NID2: variants seen among roughly 807,000 people sequenced by gnomAD.
NID2 encodes nidogen-2.
A neutral mutation model predicts 145.4 loss-of-function variants in NID2; 83 were observed. The ratio of observed to expected loss-of-function variants is 0.57; its 90% CI spans 0.48 to 0.69. The LOEUF (loss-of-function observed/expected upper bound fraction) is 0.69, where lower values mean the gene tolerates loss of function less well. Among genes scored for constraint, NID2 ranks in the 30% least tolerant of loss-of-function variants. NID2 has a pLI of 0.00. For missense variants in NID2, 1,807 were observed against 1,765.7 expected, an observed-to-expected ratio of 1.02 and a Z score of -0.42; for synonymous variants, 739 against 701.3, an observed-to-expected ratio of 1.05 and a Z score of -0.85.
intron 9 of NID2, among the ~76,000 whole-genome samples, chr14:52,036,656 T>G (rs937991383): frequency 6.6e-6 from 1 of 152,212 alleles, no homozygotes; most frequent in Non-Finnish European, 1.5e-5. Flanking sequence ...TTCCATGTTC[T>G]CGCCAACACT....
intron 2 of NID2, among the ~76,000 whole-genome samples, chr14:52,064,413 T>C (rs1291921724): frequency 6.6e-6 from 1 of 152,210 alleles, no homozygotes; most frequent in Non-Finnish European, 1.5e-5. Flanking sequence ...GTACTTACGG[T>C]ATCACATGGC....
intron 2 of NID2, among the ~76,000 whole-genome samples, chr14:52,067,558 A>G (rs569964182): frequency 6.6e-6 from 1 of 152,374 alleles, no homozygotes; most frequent in East Asian, 1.9e-4. Flanking sequence ...GGTTCTAAAA[A>G]TAAGCAACCA....
At chr14:52,011,499 A>G in intron 17 of NID2, 55 bp downstream of exon 17, 1 of 1,610,660 alleles carries the variant, frequency 6.2e-7, no homozygotes, top group East Asian at 2.2e-5. Context: ...CGTAAAGTAG[A>G]CAAGTGACTT....
chr14:52,047,865 G>A (rs10400713), intron 5 of NID2, among the ~76,000 whole-genome samples: 6,845 of 152,200 alleles, frequency 0.045, 182 homozygotes, highest in Middle Eastern at 0.078. Flanking sequence ...TTCACACGGA[G>A]AGCTGCATTT....
intron 9 of NID2, among the ~76,000 whole-genome samples, chr14:52,035,958 C>G (rs1303256650): frequency 6.6e-6 from 1 of 151,268 alleles, no homozygotes; most frequent in African/African-American, 2.4e-5. Context: ...ATCCACCCAC[C>G]TCAGCCTCCC....
At chr14:52,040,251 AT>A (rs11423537) in intron 8 of NID2, among the ~76,000 whole-genome samples, 2,381 of 147,118 alleles carry the variant, frequency 0.016, 30 homozygotes, top group Admixed American at 0.036. Context: ...TCTTTCTGTG[AT>A]TTTTTTTTTT....
chr14:52,047,001 G>A (rs1021048265), intron 5 of NID2, among the ~76,000 whole-genome samples: 4 of 152,214 alleles, frequency 2.6e-5, no homozygotes, highest in Non-Finnish European at 5.9e-5. Flanking sequence ...TACAATGGCA[G>A]CTTGTTAGGT....
chr14:52,048,740 A>G (rs982459146), intron 5 of NID2, among the ~76,000 whole-genome samples: 23 of 152,156 alleles, frequency 1.5e-4, no homozygotes, highest in African/African-American at 5.6e-4. Flanking sequence ...AGAGGGTGAG[A>G]GAGGGCAGGC....
intron 4 of NID2, 30 bp from the exon 5 acceptor site, chr14:52,053,968 G>T: frequency 6.2e-7 from 1 of 1,611,556 alleles, no homozygotes; most frequent in Non-Finnish European, 8.5e-7. Flanking sequence ...CCAATAAGTA[G>T]GTGTTGGATG....
At chr14:52,067,270 A>G (rs1481384155) in intron 2 of NID2, among the ~76,000 whole-genome samples, 2 of 152,258 alleles carry the variant, frequency 1.3e-5, no homozygotes, top group African/African-American at 4.8e-5. Context: ...ATCATTATAA[A>G]TGATGTAGAA....
Position 52,069,034 on chromosome 14 carries a change from C to T in NID2, c.-40G>A. The T allele has an allele frequency of 6.7e-7, 1 of 1,497,638 alleles. No individual in the cohort carries two copies. Among genetic ancestry groups the T allele is most frequent in the Non-Finnish European group, 9.1e-7 (1 of 1,094,788 alleles). 92.8% of individuals were successfully genotyped at this position (1,497,638 alleles called of 1,614,324 possible). On this transcript the variant is annotated 5_prime_UTR_variant, in exon 1 of 22. Transcript: ENST00000216286. ...GCGCTTACCCGCTGCACAACGCGTCCCGCCCCGGCCTCCAGCCCACTCTCC... is the reference window on the plus strand; with the variant it reads ...GCGCTTACCCGCTGCACAACGCGTCTCGCCCCGGCCTCCAGCCCACTCTCC...
chr14:52,015,342 G>A (rs1425788739), intron 14 of NID2, 67 bp from the exon 15 acceptor site: 3 of 1,462,438 alleles, frequency 2.1e-6, no homozygotes, highest in Admixed American at 1.9e-5. Flanking sequence ...AATGCAAAAT[G>A]TAGCTCAAGA....
intron 14 of NID2, 88 bp from the exon 15 acceptor site, chr14:52,015,363 G>C: frequency 8.0e-7 from 1 of 1,243,726 alleles, no homozygotes; most frequent in South Asian, 1.5e-5. Flanking sequence ...CCCCATGCCT[G>C]GCCTCCTGGC....
At chr14:52,044,470 C>T (rs11851063) in intron 5 of NID2, among the ~76,000 whole-genome samples, 42,449 of 151,728 alleles carry the variant, frequency 0.28, 6,346 homozygotes, top group East Asian at 0.51. Context: ...CAGGGTTTCA[C>T]CATGTTAGCC....
chr14:52,054,277 C>A lies in NID2; in HGVS notation c.812G>T (p.Gly271Val), dbSNP rs746257484. The A allele has an allele frequency of 1.2e-6, 2 of 1,613,978 alleles. No homozygotes were observed. The highest frequency in any genetic ancestry group is 1.7e-6 in the Non-Finnish European group (2 of 1,180,006). Residue 271 changes from glycine (G) to valine (V), a missense_variant, in exon 4 of 22, where the codon GGC becomes GTC. By Grantham distance (109) the Gly-to-Val change is moderately radical (BLOSUM62 -3). Coordinates refer to ENST00000216286, the MANE Select transcript of NID2 (RefSeq NM_007361.4). ...GIPGVWAFHIGSTSPLDNVRP... is the reference protein window; with the variant it reads ...GIPGVWAFHIVSTSPLDNVRP... The stretch of plus-strand genomic sequence containing the variant: ...GACATTGTCCAACGGGGAAGTGCTG[C>A]CGATATGGAAAGCCCACACTCCAGG...
At chr14:52,022,582 T>A (rs1891440112) in intron 12 of NID2, among the ~76,000 whole-genome samples, 1 of 152,206 alleles carries the variant, frequency 6.6e-6, no homozygotes, top group Non-Finnish European at 1.5e-5. Context: ...CTGTAGGGAC[T>A]GCTATAAAGA....
chr14:52,029,572 G>GTA lies in NID2; in HGVS notation c.2374_2375dup (p.Gln793ThrfsTer53), dbSNP rs969807614. On this transcript the variant is annotated frameshift_variant, in exon 10 of 22. Transcript: ENST00000216286. LOFTEE classifies it high-confidence loss of function. ...CCACACAGTTCCGTCCATCTCCCTGGTACCCAGATGCGCACTCACAGGTGT... is the reference window on the plus strand; with the variant it reads ...CCACACAGTTCCGTCCATCTCCCTGGTATACCCAGATGCGCACTCACAGGTGT... 4.3e-6 allele frequency: 7 copies of GTA among 1,613,038 alleles called. No homozygotes were observed. Among genetic ancestry groups the GTA allele is most frequent in the Non-Finnish European group, 5.9e-6 (7 of 1,179,326 alleles).
Position 52,064,652 on chromosome 14 carries a change from T to C in NID2, c.534+3206A>G, listed in dbSNP as rs546034083. On this transcript the variant is annotated intron_variant, in intron 2 of 21. Transcript: ENST00000216286. ...TTCAGAGGGGACAAATATTCAACCA[T>C]AGCGGGCAACCTTGCACTCATCTGT... Among the ~76,000 whole-genome samples the C allele has an allele frequency of 5.3e-5, 8 of 152,316 alleles. No homozygotes were observed. The East Asian group carries it at 1.4e-3, about 26-fold the overall frequency.
At chr14:52,031,805 G>A (rs770775681) in intron 9 of NID2, among the ~76,000 whole-genome samples, 1 of 152,246 alleles carries the variant, frequency 6.6e-6, no homozygotes, top group African/African-American at 2.4e-5. Flanking sequence ...CAACAGGAGA[G>A]AATCAGGTTC....
Sources: gnomAD v4.1 joint callset for allele counts (sites outside exome capture counted in the v4.1 genomes callset) on GRCh38, gnomAD v4.1.1 for gene constraint, MANE v1.5 for transcripts, NCBI Gene and HGNC (gene_info 2026-07-23, HGNC 2026-07-21) for gene names.